The following UPRT variants were observed in gnomAD, a reference collection of about 807,000 sequenced individuals.
UPRT encodes the protein uracil phosphoribosyltransferase homolog.
A neutral mutation model predicts 22.6 loss-of-function variants in UPRT; 5 were observed. That is an observed-to-expected ratio of 0.22 (90% CI 0.12 to 0.47). The LOEUF (loss-of-function observed/expected upper bound fraction) is 0.47, where lower values mean the gene tolerates loss of function less well. Among genes scored for constraint, UPRT ranks in the 20% least tolerant of loss-of-function variants. The probability of loss-of-function intolerance (pLI) is 0.99; values close to 1 mark genes in which losing one functional copy is unlikely to be tolerated. For missense variants in UPRT, 181 were observed against 239.9 expected, an observed-to-expected ratio of 0.75 and a Z score of 1.62; for synonymous variants, 77 against 87.7, an observed-to-expected ratio of 0.88 and a Z score of 0.68.
chrX:75,175,460 A>T (rs2147606488), intron 4 of UPRT, among the ~76,000 whole-genome samples: 1 of 112,173 alleles, frequency 8.9e-6, no homozygotes, highest in East Asian at 2.8e-4. Context: ...ACAGTTGTCT[A>T]GGACAGGAGA....
intron 4 of UPRT, among the ~76,000 whole-genome samples, chrX:75,208,475 T>G (rs2082372260): frequency 1.8e-5 from 2 of 111,398 alleles, no homozygotes; most frequent in Admixed American, 9.6e-5. Context: ...CCAAAAAGAC[T>G]TTGGGAAGCT....
chrX:75,269,259 C>A (rs766718270), upstream of UPRT, among the ~76,000 whole-genome samples: 28 of 111,836 alleles, frequency 2.5e-4, no homozygotes, highest in Non-Finnish European at 4.1e-4. Flanking sequence ...TAAGAGAGAA[C>A]ACGAACAAAT....
chrX:75,183,463 A>C (rs2082278196), intron 4 of UPRT, among the ~76,000 whole-genome samples: 1 of 111,962 alleles, frequency 8.9e-6, no homozygotes, highest in Non-Finnish European at 1.9e-5. Flanking sequence ...CGCTATTGTG[A>C]ATAGTGCCGC....
At chrX:75,164,482 A>C (rs895012620) in intron 3 of UPRT, among the ~76,000 whole-genome samples, 1 of 112,153 alleles carries the variant, frequency 8.9e-6, no homozygotes, top group Non-Finnish European at 1.9e-5. Context: ...ATGCTACAAC[A>C]TGGATGGACC....
At chrX:75,194,751 AGT>A (rs757698338) in intron 4 of UPRT, among the ~76,000 whole-genome samples, 12 of 111,033 alleles carry the variant, frequency 1.1e-4, no homozygotes, top group Non-Finnish European at 1.9e-4. Context: ...CACCAACAAA[AGT>A]GTTTGTGTAG....
chrX:75,162,025 T>C (rs138146591), intron 2 of UPRT, among the ~76,000 whole-genome samples: 3,172 of 111,334 alleles, frequency 0.028, 116 homozygotes, highest in African/African-American at 0.099. Context: ...TTGAACACTA[T>C]GCATTGGGTC....
chrX:75,190,543 A>C (rs2082311377), intron 4 of UPRT, among the ~76,000 whole-genome samples: 1 of 111,756 alleles, frequency 8.9e-6, no homozygotes, highest in South Asian at 3.8e-4. Flanking sequence ...AGATTGGGGA[A>C]GTTCTCGTGG....
rs571253139 is a variant in UPRT at position 75,230,382 on chromosome X, C to A, written c.-446-60642C>A. On this transcript the variant is annotated intron_variant, in intron 4 of 13. Coordinates refer to the UPRT transcript ENST00000652605. The stretch of plus-strand genomic sequence containing the variant: ...GCTATTGGGAGCTGTATGGCCCCAC[C>A]CATCAACAAAAAACCCTAGTACTCA... Among the ~76,000 whole-genome samples the A allele has an allele frequency of 2.1e-4, 23 of 111,058 alleles. No individual in the cohort carries two copies. The South Asian group carries it at 8.9e-3, about 43-fold the overall frequency.
chrX:75,276,945 G>A (rs751133987), intron 1 of UPRT, among the ~76,000 whole-genome samples: 1 of 111,528 alleles, frequency 9.0e-6, no homozygotes, highest in African/African-American at 3.3e-5. Flanking sequence ...ATTTCTAATG[G>A]TTTGCCCATT....
chrX:75,181,052 C>A (rs919457892), intron 4 of UPRT, among the ~76,000 whole-genome samples: 2 of 110,797 alleles, frequency 1.8e-5, no homozygotes, highest in Non-Finnish European at 1.9e-5. Context: ...GAAAGGGGTT[C>A]AGTTTCAGTC....
chrX:75,255,169 A>G (rs890574666), intron 4 of UPRT, among the ~76,000 whole-genome samples: 1 of 111,881 alleles, frequency 8.9e-6, no homozygotes, highest in African/African-American at 3.3e-5. Flanking sequence ...AAGAAACCCT[A>G]CAAGCTGGAA....
At chrX:75,170,053 T>A (rs1475630168) in intron 4 of UPRT, among the ~76,000 whole-genome samples, 7 of 103,784 alleles carry the variant, frequency 6.7e-5, no homozygotes, top group Non-Finnish European at 1.2e-4. Flanking sequence ...TTTTTTTTTT[T>A]TGAGATGGAG....
At chrX:75,176,351 G>A (rs1366518650) in intron 4 of UPRT, among the ~76,000 whole-genome samples, 1 of 111,125 alleles carries the variant, frequency 9.0e-6, no homozygotes, top group Non-Finnish European at 1.9e-5. Context: ...AAACTCTCGG[G>A]CTGCAGCTAA....
At chrX:75,297,608 G>C (rs2082730478) in intron 4 of UPRT, 55 bp downstream of exon 4, 1 of 1,157,291 alleles carries the variant, frequency 8.6e-7, no homozygotes, top group African/African-American at 1.8e-5. Flanking sequence ...AATGGTTGCT[G>C]TTTTCCAGAA....
intron 1 of UPRT, among the ~76,000 whole-genome samples, chrX:75,290,468 T>C (rs898797674): frequency 1.8e-5 from 2 of 111,635 alleles, no homozygotes; most frequent in Non-Finnish European, 3.8e-5. Flanking sequence ...TGAAAACAAA[T>C]TGTTCTACCA....
intron 4 of UPRT, among the ~76,000 whole-genome samples, chrX:75,176,432 A>G (rs988653736): frequency 9.0e-6 from 1 of 111,594 alleles, no homozygotes; most frequent in East Asian, 2.8e-4. Flanking sequence ...AGTGAGGTCA[A>G]AGGTTTGCCC....
chrX:75,157,209 A>G (rs1271902706), intron 1 of UPRT, among the ~76,000 whole-genome samples: 1 of 112,286 alleles, frequency 8.9e-6, no homozygotes, highest in East Asian at 2.8e-4. Flanking sequence ...GCAATTTTAT[A>G]TTCACTGCTG....
At chrX:75,265,664 C>A (rs1374931234) in intron 4 of UPRT, among the ~76,000 whole-genome samples, 1 of 112,035 alleles carries the variant, frequency 8.9e-6, no homozygotes, top group African/African-American at 3.2e-5. Context: ...TCATCTGAAG[C>A]CTTCTTCTCT....
intron 4 of UPRT, among the ~76,000 whole-genome samples, chrX:75,173,603 C>T (rs1169665476): frequency 8.9e-6 from 1 of 112,835 alleles, no homozygotes; most frequent in Non-Finnish European, 1.9e-5. Flanking sequence ...GCTCACACTC[C>T]TCAGCCCTTG....
Sources: gnomAD v4.1 joint callset for allele counts (sites outside exome capture counted in the v4.1 genomes callset) on GRCh38, gnomAD v4.1.1 for gene constraint, MANE v1.5 for transcripts, NCBI Gene and HGNC (gene_info 2026-07-23, HGNC 2026-07-21) for gene names.